Variants in TCF7L1 observed in about 807,000 individuals in gnomAD.
TCF7L1 encodes transcription factor 7 like 1, also known as transcription factor 7-like 1.
A neutral mutation model predicts 63.7 loss-of-function variants in TCF7L1; 18 were observed. The observed-to-expected ratio is 0.28, with a 90% confidence interval of 0.20 to 0.42. The LOEUF (loss-of-function observed/expected upper bound fraction) is 0.42, where lower values mean the gene tolerates loss of function less well. Among genes scored for constraint, TCF7L1 ranks in the 10% least tolerant of loss-of-function variants. TCF7L1 has a pLI of 1.00. For synonymous variants in TCF7L1, 355 were observed against 340.9 expected, an observed-to-expected ratio of 1.04 and a Z score of -0.46; for missense variants, 654 against 779.3, an observed-to-expected ratio of 0.84 and a Z score of 1.91.
At chr2:85,249,452 T>G (rs1356861262) in intron 3 of TCF7L1, among the ~76,000 whole-genome samples, 2 of 152,226 alleles carry the variant, frequency 1.3e-5, no homozygotes, top group Non-Finnish European at 2.9e-5. Flanking sequence ...CTTTCCTAAT[T>G]GCATCCTGTG....
intron 3 of TCF7L1, among the ~76,000 whole-genome samples, chr2:85,225,573 C>T (rs1446915738): frequency 3.3e-5 from 5 of 152,126 alleles, no homozygotes; most frequent in East Asian, 3.8e-4. Flanking sequence ...ATTTGGCTCT[C>T]TGTTTGTCTG....
At chr2:85,249,592 T>C (rs1047955397) in intron 3 of TCF7L1, among the ~76,000 whole-genome samples, 2 of 152,192 alleles carry the variant, frequency 1.3e-5, no homozygotes, top group Admixed American at 1.3e-4. Context: ...CTCACCTGCT[T>C]TTCTGGGGGT....
chr2:85,306,728 G>A lies in TCF7L1; in HGVS notation c.1257+169G>A, dbSNP rs1002749828. On this transcript the variant is annotated intron_variant, in intron 10 of 11. Transcript: ENST00000282111. This position sits in a 1 kb window ranked among gnomAD's most constrained non-coding sequence, Gnocchi z 4.3. ...CAGGCTGGAGTGCATGCAGTGGCGC[G>A]ATCTCGGCTCACTGCAAGCTCCGCC... 2.6e-5 allele frequency among the ~76,000 whole-genome samples: 4 copies of A among 152,120 alleles called. No individual in the cohort carries two copies. The highest frequency in any genetic ancestry group is 4.8e-5 in the African/African-American group (2 of 41,430).
Position 85,153,330 on chromosome 2 carries a change from G to T in TCF7L1, c.441+18880G>T, listed in dbSNP as rs528710675. ...GGTCCTGGGTTTCATGATCTTGCTA[G>T]CCTTTATAAATTTTTTTTTTTTTTT... On this transcript the variant is annotated intron_variant, in intron 3 of 11. Transcript: ENST00000282111. Among the ~76,000 whole-genome samples the T allele has an allele frequency of 6.1e-4, 79 of 129,076 alleles. 2 individuals are homozygous for T. Among genetic ancestry groups the T allele is most frequent in the Non-Finnish European group, 1.1e-3 (70 of 61,920 alleles). The allele number at this position is 129,076 out of a possible 152,430, so 84.7% of individuals were successfully genotyped here.
chr2:85,143,702 T>G (rs1677799265), intron 3 of TCF7L1, among the ~76,000 whole-genome samples: 1 of 152,202 alleles, frequency 6.6e-6, no homozygotes, highest in Non-Finnish European at 1.5e-5. Context: ...ACATGCCTGA[T>G]ATAATTAGCT....
intron 3 of TCF7L1, among the ~76,000 whole-genome samples, chr2:85,255,183 A>G (rs1047896300): frequency 2.0e-5 from 3 of 152,166 alleles, no homozygotes; most frequent in African/African-American, 7.2e-5. Flanking sequence ...CCCAGACTGC[A>G]TCTTAACAGG....
At position 85,306,228 on chromosome 2, in the gene TCF7L1, AAGG is replaced by A. The variant is rs1251343592; in HGVS notation, c.1020_1022del (p.Glu341del). 3 of 1,614,010 alleles carry A rather than the reference AAGG, an allele frequency of 1.9e-6. No individual in the cohort carries two copies. The highest frequency in any genetic ancestry group is 2.2e-5 in the East Asian group (1 of 44,888). Reference sequence around the variant, plus strand: ...CAGGAAATCACCAGTCACCGTGAAAAAGGAGGAGGAAAAGAAGCCCCACGTGAA... The same window carrying A: ...CAGGAAATCACCAGTCACCGTGAAAAAGGAGGAAAAGAAGCCCCACGTGAA... On this transcript the variant is annotated inframe_deletion, in exon 9 of 12. Transcript: ENST00000282111. The surrounding 1 kb of genome is among the most constrained non-coding windows in gnomAD (Gnocchi z 4.3).
At chr2:85,146,418 T>C (rs1014468798) in intron 3 of TCF7L1, among the ~76,000 whole-genome samples, 1 of 151,986 alleles carries the variant, frequency 6.6e-6, no homozygotes, top group African/African-American at 2.4e-5. Flanking sequence ...TTCAAAGAAA[T>C]GGTGTGTAGA....
At chr2:85,242,202 T>C (rs1341146595) in intron 3 of TCF7L1, among the ~76,000 whole-genome samples, 4 of 152,098 alleles carry the variant, frequency 2.6e-5, no homozygotes, top group African/African-American at 7.2e-5. Context: ...AATTCTTCCA[T>C]TGATACCATG....
At chr2:85,226,942 G>A (rs374462989) in intron 3 of TCF7L1, among the ~76,000 whole-genome samples, 2 of 151,694 alleles carry the variant, frequency 1.3e-5, no homozygotes, top group East Asian at 3.9e-4. Flanking sequence ...AAGACAGCGA[G>A]AACAGTCAGG....
At chr2:85,140,596 C>T (rs746893274) in intron 3 of TCF7L1, among the ~76,000 whole-genome samples, 19 of 134,898 alleles carry the variant, frequency 1.4e-4, no homozygotes, top group Admixed American at 2.3e-4. Flanking sequence ...GTCAGGAGTT[C>T]GAGATCAGCC....
chr2:85,294,180 GCAC>G (rs1681794391), intron 4 of TCF7L1, among the ~76,000 whole-genome samples: 1 of 151,810 alleles, frequency 6.6e-6, no homozygotes, highest in Admixed American at 6.6e-5. Flanking sequence ...GGGACTACAG[GCAC>G]CCGCCACCAC....
At chr2:85,140,661 G>T (rs1479186048) in intron 3 of TCF7L1, among the ~76,000 whole-genome samples, 1 of 152,154 alleles carries the variant, frequency 6.6e-6, no homozygotes, top group Non-Finnish European at 1.5e-5. Flanking sequence ...TCAGCTGGGC[G>T]TGGTGGCAGG....
At chr2:85,193,407 G>A (rs10183679) in intron 3 of TCF7L1, among the ~76,000 whole-genome samples, 21,253 of 152,118 alleles carry the variant, frequency 0.14, 1,747 homozygotes, top group African/African-American at 0.2. Context: ...TATTAGGGCC[G>A]GGTGCAGTGG....
At chr2:85,264,801 TC>T (rs770390969) in intron 3 of TCF7L1, among the ~76,000 whole-genome samples, 19 of 152,248 alleles carry the variant, frequency 1.2e-4, no homozygotes, top group Non-Finnish European at 1.9e-4. Context: ...GCAGCCCCTC[TC>T]CCAACCCAGA....
chr2:85,301,189 A>C (rs1558661023), intron 4 of TCF7L1, among the ~76,000 whole-genome samples: 1 of 152,246 alleles, frequency 6.6e-6, no homozygotes, highest in Non-Finnish European at 1.5e-5. Context: ...TTACGTTTTG[A>C]GAAGGTTCTG....
In TCF7L1 at chr2:85,134,484, G is replaced by T. The variant is rs1399902907; in HGVS notation, c.441+34G>T. 54 of 1,545,064 alleles carry T rather than the reference G, an allele frequency of 3.5e-5. No homozygotes were observed. The East Asian group carries it at 1.3e-3, about 37-fold the overall frequency. On this transcript the variant is annotated intron_variant, in intron 3 of 11. Transcript: ENST00000282111. The surrounding 1 kb of genome is among the most constrained non-coding windows in gnomAD (Gnocchi z 5.0). ...CCGTCGGGCGCGCCGGGGAGGGTGG[G>T]AGGCCGCGGCCCGCAGGATGCGCCC...
intron 3 of TCF7L1, among the ~76,000 whole-genome samples, chr2:85,167,741 G>A (rs554094363): frequency 3.9e-5 from 6 of 152,272 alleles, no homozygotes; most frequent in Admixed American, 1.3e-4. Context: ...GCACATGCCC[G>A]TAGTTTCGGC....
chr2:85,242,285 C>T (rs893868660), intron 3 of TCF7L1, among the ~76,000 whole-genome samples: 3 of 152,162 alleles, frequency 2.0e-5, no homozygotes, highest in Non-Finnish European at 2.9e-5. Context: ...ATAGAACCCA[C>T]GTCACATAAA....
Sources: gnomAD v4.1 joint callset for allele counts (sites outside exome capture counted in the v4.1 genomes callset) on GRCh38, gnomAD v4.1.1 for gene constraint, Gnocchi (gnomAD v3.1) non-coding constraint, MANE v1.5 for transcripts, NCBI Gene and HGNC (gene_info 2026-07-23, HGNC 2026-07-21) for gene names.